The following RNF149 variants were observed in gnomAD, a reference collection of about 807,000 sequenced individuals.
RNF149 encodes the protein ring finger protein 149, also known as E3 ubiquitin-protein ligase RNF149.
In RNF149, 21 loss-of-function variants were observed where a neutral mutation model predicts 39.0. The ratio of observed to expected loss-of-function variants is 0.54; its 90% CI spans 0.38 to 0.77. The LOEUF (loss-of-function observed/expected upper bound fraction) is 0.77. Among genes scored for constraint, RNF149 ranks in the 30% least tolerant of loss-of-function variants. RNF149 has a pLI of 0.00. For missense variants in RNF149, 493 were observed against 534.9 expected, an observed-to-expected ratio of 0.92 and a Z score of 0.77; for synonymous variants, 209 against 213.6, an observed-to-expected ratio of 0.98 and a Z score of 0.19.
intron 1 of RNF149, among the ~76,000 whole-genome samples, chr2:101,298,121 A>G (rs1356104152): frequency 6.6e-6 from 1 of 152,182 alleles, no homozygotes; most frequent in Non-Finnish European, 1.5e-5. Flanking sequence ...AGATGTAACC[A>G]ATGAGGTATC....
At chr2:101,291,565 G>A (rs1331708052) in intron 3 of RNF149, among the ~76,000 whole-genome samples, 2 of 151,932 alleles carry the variant, frequency 1.3e-5, no homozygotes, top group South Asian at 2.1e-4. Context: ...TTACAGGTGC[G>A]AGCCACCCTG....
In RNF149 at chr2:101,295,043, G is replaced by A. The variant is rs765218224; in HGVS notation, c.599C>T (p.Ser200Phe). 1.9e-6 allele frequency: 3 copies of A among 1,614,088 alleles called. No individual in the cohort carries two copies. In the South Asian group the frequency reaches 3.3e-5, roughly 18 times the overall value. The change falls in exon 2 of 7, where the codon TCT becomes TTT. Residue 200 changes from serine (S) to phenylalanine (F), a missense_variant. Ser to Phe is a radical substitution (Grantham distance 155). Coordinates refer to ENST00000295317, the MANE Select transcript of RNF149 (RefSeq NM_173647.4). ...RHVQEFISGQ[S>F]VVFVAIAFIT... ...GAAGGCAATGGCCACAAACACCACA[G>A]ACTGACCGCTGATGAACTCCTGTAC...
At position 101,281,907 on chromosome 2, in the gene RNF149, A is replaced by G; in HGVS notation, c.1111T>C (p.Cys371Arg). Residue 371 changes from cysteine (C) to arginine (R), a missense_variant, in exon 6 of 7, where the codon TGT becomes CGT. Coordinates refer to ENST00000295317, the MANE Select transcript of RNF149 (RefSeq NM_173647.4). ...SASPAESEPQ[C>R]DPSFKGDAGE... is the part of the protein sequence containing the mutation. Reference sequence around the variant, plus strand: ...GCATCTCCTTTAAAGCTGGGATCACACTGTGGCTCAGATTCAGCAGGGGAG... The same window carrying G: ...GCATCTCCTTTAAAGCTGGGATCACGCTGTGGCTCAGATTCAGCAGGGGAG... The G allele has an allele frequency of 1.9e-6, 3 of 1,614,046 alleles. No homozygotes were observed. Among genetic ancestry groups the G allele is most frequent in the South Asian group, 2.2e-5 (2 of 91,076 alleles).
chr2:101,308,014 G>T, intron 1 of RNF149, 115 bp downstream of exon 1: 1 of 1,470,782 alleles, frequency 6.8e-7, no homozygotes. Context: ...ACAGCCAGAG[G>T]CCTGAGAGCC....
chr2:101,307,776 C>T, intron 1 of RNF149: 8 of 982,356 alleles, frequency 8.1e-6, no homozygotes, highest in Non-Finnish European at 9.7e-6. Flanking sequence ...CTACTCACCC[C>T]TCCGACTTTG....
downstream of RNF149, among the ~76,000 whole-genome samples, chr2:101,273,892 T>G (rs1377988008): frequency 6.6e-6 from 1 of 152,218 alleles, no homozygotes; most frequent in East Asian, 1.9e-4. Flanking sequence ...TAAAGACTTG[T>G]GTTTCTAGAG....
downstream of RNF149, among the ~76,000 whole-genome samples, chr2:101,274,993 C>T (rs941677728): frequency 6.6e-6 from 1 of 151,328 alleles, no homozygotes; most frequent in Non-Finnish European, 1.5e-5. Flanking sequence ...TGGGGTTTCT[C>T]CATGTTGGTC....
chr2:101,303,137 CAG>C (rs1683517861), intron 1 of RNF149, among the ~76,000 whole-genome samples: 1 of 152,092 alleles, frequency 6.6e-6, no homozygotes, highest in Non-Finnish European at 1.5e-5. Flanking sequence ...ATTTTTGAGA[CAG>C]AGTCTTGCTC....
At chr2:101,305,717 A>AGG (rs1201813097) in intron 1 of RNF149, among the ~76,000 whole-genome samples, 1 of 152,124 alleles carries the variant, frequency 6.6e-6, no homozygotes, top group Non-Finnish European at 1.5e-5. Context: ...ATGAACAGGG[A>AGG]GGGAGAGGGA....
At chr2:101,306,009 G>C (rs889834593) in intron 1 of RNF149, among the ~76,000 whole-genome samples, 1 of 152,136 alleles carries the variant, frequency 6.6e-6, no homozygotes, top group Non-Finnish European at 1.5e-5. Flanking sequence ...CACTAAAAAG[G>C]CTAGAATGGA....
At chr2:101,293,774 A>G (rs1212404454) in intron 3 of RNF149, among the ~76,000 whole-genome samples, 2 of 152,224 alleles carry the variant, frequency 1.3e-5, no homozygotes, top group African/African-American at 4.8e-5. Flanking sequence ...CCAGGAGGGC[A>G]GCAACCAGCC....
downstream of RNF149, among the ~76,000 whole-genome samples, chr2:101,272,024 G>T (rs988755532): frequency 2.6e-5 from 4 of 152,084 alleles, no homozygotes; most frequent in Non-Finnish European, 5.9e-5. Flanking sequence ...CATTTTAAGG[G>T]TATCTGGAAA....
At chr2:101,288,338 A>G (rs1489511965) in intron 4 of RNF149, among the ~76,000 whole-genome samples, 1 of 146,650 alleles carries the variant, frequency 6.8e-6, no homozygotes, top group Non-Finnish European at 1.5e-5. Context: ...CCCGGGTTCA[A>G]GTAATTCTCC....
At position 101,276,399 on chromosome 2, in the gene RNF149, T is replaced by G. The variant is rs970109211; in HGVS notation, c.*839A>C. 54 of 985,732 alleles carry G rather than the reference T, an allele frequency of 5.5e-5. No homozygotes were observed. Among genetic ancestry groups the G allele is most frequent in the Non-Finnish European group, 6.1e-5 (51 of 829,930 alleles). 61.1% of individuals were successfully genotyped at this position (985,732 alleles called of 1,614,324 possible). On this transcript the variant is annotated 3_prime_UTR_variant, in exon 7 of 7. Coordinates refer to ENST00000295317, the MANE Select transcript of RNF149 (RefSeq NM_173647.4). ...AATCAAGAAAACTGGTTATTTCGAGTCAACAACAAAAACTAAAATTCTACA... is the reference window on the plus strand; with the variant it reads ...AATCAAGAAAACTGGTTATTTCGAGGCAACAACAAAAACTAAAATTCTACA...
downstream of RNF149, chr2:101,273,190 A>T: frequency 1.1e-5 from 13 of 1,200,208 alleles, no homozygotes; most frequent in South Asian, 1.6e-4. Flanking sequence ...GAAACCCAGA[A>T]CGCCAGTCCA....
rs1345484386 is a variant in RNF149 at position 101,275,867 on chromosome 2, TGAG to T, written c.*1368_*1370del. The T allele has an allele frequency of 3.0e-6, 3 of 984,962 alleles. No homozygotes were observed. Among genetic ancestry groups the T allele is most frequent in the Non-Finnish European group, 3.6e-6 (3 of 829,626 alleles). 61.0% of individuals were successfully genotyped at this position (984,962 alleles called of 1,614,324 possible). ...GTAATGGCTGTTATGGAAACCTACTTGAGGTTGTCTGCTAAAACCAACTCAGTG... is the reference window on the plus strand; with the variant it reads ...GTAATGGCTGTTATGGAAACCTACTTGTTGTCTGCTAAAACCAACTCAGTG... On this transcript the variant is annotated 3_prime_UTR_variant, in exon 7 of 7. Coordinates refer to ENST00000295317, the MANE Select transcript of RNF149 (RefSeq NM_173647.4).
downstream of RNF149, among the ~76,000 whole-genome samples, chr2:101,275,438 T>C (rs941793070): frequency 1.2e-4 from 10 of 80,702 alleles, no homozygotes; most frequent in Non-Finnish European, 1.9e-4. Context: ...TTTCTTTTTT[T>C]TTTTTTTTTT....
chr2:101,285,398 G>A (rs972683870), intron 5 of RNF149, among the ~76,000 whole-genome samples: 1 of 152,196 alleles, frequency 6.6e-6, no homozygotes. Context: ...TTAGCTAACT[G>A]CATGACCTCA....
At chr2:101,272,022 G>A (rs979868035), downstream of RNF149, among the ~76,000 whole-genome samples, 23 of 152,132 alleles carry the variant, frequency 1.5e-4, no homozygotes, top group Admixed American at 1.4e-3. Flanking sequence ...AACATTTTAA[G>A]GGTATCTGGA....
Sources: gnomAD v4.1 joint callset for allele counts (sites outside exome capture counted in the v4.1 genomes callset) on GRCh38, gnomAD v4.1.1 for gene constraint, MANE v1.5 for transcripts, NCBI Gene and HGNC (gene_info 2026-07-23, HGNC 2026-07-21) for gene names.